GOLGA6L9: variants seen among roughly 807,000 people sequenced by gnomAD.
The protein encoded by GOLGA6L9 is golgin subfamily A member 6-like protein 9.
A neutral mutation model predicts 51.3 loss-of-function variants in GOLGA6L9; 19 were observed. The ratio of observed to expected loss-of-function variants is 0.37; its 90% CI spans 0.26 to 0.54. The LOEUF is 0.54. Ranked by LOEUF, GOLGA6L9 falls within the 20% of genes least tolerant of loss-of-function variation. The pLI is 0.83. For synonymous variants in GOLGA6L9, 97 were observed against 184.2 expected (o/e 0.53, Z 3.83); for missense variants, 247 against 464.1 (o/e 0.53, Z 4.30).
chr15:82,419,382 A>C, the GOLGA6L9 span: 1 of 153,504 alleles, frequency 6.5e-6, no homozygotes, highest in Non-Finnish European at 1.4e-5. Flanking sequence ...TACTTTCAAG[A>C]ATGAAAAAGG....
upstream of GOLGA6L9, among the ~76,000 whole-genome samples, chr15:82,427,218 GTTTC>G (rs1273349546): frequency 0.033 from 4,208 of 126,192 alleles, 29 homozygotes; most frequent in African/African-American, 0.072. Flanking sequence ...TCTTTTCCTT[GTTTC>G]TTTCTTTCTT....
rs1219498277 is a variant in GOLGA6L9, at chr15:82,437,717, A to G, written c.*1306A>G. 29 of 149,424 alleles carry G rather than the reference A, an allele frequency of 1.9e-4. No homozygotes were observed. Among genetic ancestry groups the G allele is most frequent in the Admixed American group, 6.0e-4 (9 of 15,040 alleles). The allele number at this position is 149,424 out of a possible 1,614,324, so 9.3% of individuals were successfully genotyped here. ...TAATATATGTGAGAGTACTTAGTTG[A>G]AACAAAAAGGAGTTTTAGTAGACAG... On this transcript the variant is annotated 3_prime_UTR_variant, in exon 9 of 9. Coordinates refer to ENST00000618348, the MANE Select transcript of GOLGA6L9 (RefSeq NM_198181.4).
chr15:82,418,996 T>C, the GOLGA6L9 span, among the ~76,000 whole-genome samples: 4 of 152,246 alleles, frequency 2.6e-5, no homozygotes, highest in Non-Finnish European at 5.9e-5. Context: ...TTTCAAACAA[T>C]TGACTGGAAT....
In GOLGA6L9 at chr15:82,438,246, G is replaced by A. The variant is rs1394063351; in HGVS notation, c.*1835G>A. The A allele has an allele frequency of 6.7e-6, 1 of 148,942 alleles. No homozygotes were observed. Among genetic ancestry groups the A allele is most frequent in the Non-Finnish European group, 1.5e-5 (1 of 67,086 alleles). 9.2% of individuals were successfully genotyped at this position (148,942 alleles called of 1,614,324 possible). A position where few individuals can be genotyped will look rare whatever the true frequency, so the allele number is the denominator to read the frequency against. On this transcript the variant is annotated 3_prime_UTR_variant, in exon 9 of 9. Transcript: ENST00000618348. The stretch of plus-strand genomic sequence containing the variant: ...AGGAATGACCTTCAGATAGCATTTA[G>A]CAACTGTAACCAATCTGACAATAAT...
In GOLGA6L9 at chr15:82,432,812, C is replaced by A; in HGVS notation, c.265-5C>A. 1 of 1,612,038 alleles carries A rather than the reference C, an allele frequency of 6.2e-7. No homozygotes were observed. The highest frequency in any genetic ancestry group is 8.5e-7 in the Non-Finnish European group (1 of 1,179,694). On this transcript the variant is annotated splice_polypyrimidine_tract_variant and splice_region_variant and intron_variant, in intron 3 of 8. Coordinates refer to ENST00000618348, the MANE Select transcript of GOLGA6L9 (RefSeq NM_198181.4). Reference sequence around the variant, plus strand: ...TCCAACTCCTTCTCTCTGCATGCACCTCAGAGCCAGTACCAAGAACTAGCA... The same window carrying A: ...TCCAACTCCTTCTCTCTGCATGCACATCAGAGCCAGTACCAAGAACTAGCA...
chr15:82,424,351 C>T, the GOLGA6L9 span, among the ~76,000 whole-genome samples: 4 of 151,952 alleles, frequency 2.6e-5, no homozygotes, highest in Non-Finnish European at 5.9e-5. Flanking sequence ...GGATTATAGG[C>T]ATGAGCCACC....
chr15:82,436,564 A>G lies in GOLGA6L9; in HGVS notation c.*153A>G, dbSNP rs2031689024. 1.2e-6 allele frequency: 1 copy of G among 857,288 alleles called. No individual in the cohort carries two copies. The highest frequency in any genetic ancestry group is 1.7e-5 in the African/African-American group (1 of 58,934). The allele number at this position is 857,288 out of a possible 1,614,324, so 53.1% of individuals were successfully genotyped here. Reference sequence around the variant, plus strand: ...TTTGTGTTTCTAATTTATAGTTTAAATTTATTTGTTTCTAATTTATAGTTT... The same window carrying G: ...TTTGTGTTTCTAATTTATAGTTTAAGTTTATTTGTTTCTAATTTATAGTTT... On this transcript the variant is annotated 3_prime_UTR_variant, in exon 9 of 9. Coordinates refer to ENST00000618348, the MANE Select transcript of GOLGA6L9 (RefSeq NM_198181.4).
the GOLGA6L9 span, among the ~76,000 whole-genome samples, chr15:82,417,013 C>T: frequency 6.6e-6 from 1 of 152,156 alleles, no homozygotes; most frequent in Non-Finnish European, 1.5e-5. Context: ...ATACTCGTCT[C>T]CCCCACCGTT....
At chr15:82,419,392 G>C in the GOLGA6L9 span, 1 of 154,228 alleles carries the variant, frequency 6.5e-6, no homozygotes, top group African/African-American at 2.4e-5. Context: ...AATGAAAAAG[G>C]TATCCCAGCA....
chr15:82,432,838 G>A lies in GOLGA6L9; in HGVS notation c.286G>A (p.Val96Ile). ...DLESQYQELA[V>I]ALDSSSAIIS... Reference sequence around the variant, plus strand: ...TCAGAGCCAGTACCAAGAACTAGCAGTAGCCCTGGATTCAAGCTCCGCAAT... The same window carrying A: ...TCAGAGCCAGTACCAAGAACTAGCAATAGCCCTGGATTCAAGCTCCGCAAT... Residue 96 changes from valine to isoleucine, a missense_variant, in exon 4 of 9, where the codon GTA becomes ATA. Transcript: ENST00000618348. 2 of 1,612,528 alleles carry A rather than the reference G, an allele frequency of 1.2e-6. No homozygotes were observed. Among genetic ancestry groups the A allele is most frequent in the Non-Finnish European group, 8.5e-7 (1 of 1,179,784 alleles).
rs1325148361 is a variant in GOLGA6L9, at chr15:82,438,165, A to G, written c.*1754A>G. ...CCTAATACATTGATAAATTATTTCAAAGGTATTTTTATAGTTCAAATCGCT... is the reference window on the plus strand; with the variant it reads ...CCTAATACATTGATAAATTATTTCAGAGGTATTTTTATAGTTCAAATCGCT... On this transcript the variant is annotated 3_prime_UTR_variant, in exon 9 of 9. Coordinates refer to ENST00000618348, the MANE Select transcript of GOLGA6L9 (RefSeq NM_198181.4). 2 of 148,752 alleles carry G rather than the reference A, an allele frequency of 1.3e-5. No individual in the cohort carries two copies. The highest frequency in any genetic ancestry group is 3.0e-5 in the Non-Finnish European group (2 of 67,062). The allele number at this position is 148,752 out of a possible 1,614,324, so 9.2% of individuals were successfully genotyped here. A position where few individuals can be genotyped will look rare whatever the true frequency, so the allele number is the denominator to read the frequency against.
the GOLGA6L9 span, among the ~76,000 whole-genome samples, chr15:82,417,572 A>G: frequency 3.9e-5 from 6 of 152,344 alleles, no homozygotes; most frequent in Non-Finnish European, 7.3e-5. Flanking sequence ...CTGTCTTTTG[A>G]CCTGAAAATG....
intron 4 of GOLGA6L9, among the ~76,000 whole-genome samples, chr15:82,433,155 C>T (rs1304593974): frequency 6.6e-6 from 1 of 151,148 alleles, no homozygotes; most frequent in Non-Finnish European, 1.5e-5. Context: ...GTTGTCACCT[C>T]TCTGGGAAGC....
chr15:82,420,608 G>A, the GOLGA6L9 span, among the ~76,000 whole-genome samples: 1 of 152,064 alleles, frequency 6.6e-6, no homozygotes, highest in Non-Finnish European at 1.5e-5. Flanking sequence ...GCAACTGAAG[G>A]TAGGTAACTT....
rs2031352383 is a variant in GOLGA6L9 at position 82,429,963 on chromosome 15, G to C, written c.-117G>C. On this transcript the variant is annotated 5_prime_UTR_variant, in exon 1 of 9. Coordinates refer to ENST00000618348, the MANE Select transcript of GOLGA6L9 (RefSeq NM_198181.4). The stretch of plus-strand genomic sequence containing the variant: ...CTGACCAATGGGCTTGGAACATTAA[G>C]GCCACGCCCCTATTCTGCGTTCCAT... 4.6e-6 allele frequency: 5 copies of C among 1,087,098 alleles called. No homozygotes were observed. The highest frequency in any genetic ancestry group is 7.1e-6 in the Non-Finnish European group (5 of 706,742). The allele number at this position is 1,087,098 out of a possible 1,614,324, so 67.3% of individuals were successfully genotyped here.
At chr15:82,425,985 GTAGT>G (rs1380893858), upstream of GOLGA6L9, among the ~76,000 whole-genome samples, 1 of 136,918 alleles carries the variant, frequency 7.3e-6, no homozygotes, top group Non-Finnish European at 1.6e-5. Flanking sequence ...ACTTTTATAG[GTAGT>G]TATATTTAAA....
chr15:82,434,160 A>G lies in GOLGA6L9; in HGVS notation c.560A>G (p.Asn187Ser). 4 of 1,536,740 alleles carry G rather than the reference A, an allele frequency of 2.6e-6. No homozygotes were observed. Among genetic ancestry groups the G allele is most frequent in the South Asian group, 1.2e-5 (1 of 83,836 alleles). ...CAGCTCCAGGCTGAGGTGGAAAACA[A>G]TCAGATGTTGAGTCTCCTGAACAGG... The part of the protein sequence containing the change: ...GRQLQAEVEN[N>S]QMLSLLNRRQ... The change falls in exon 6 of 9, where the codon AAT (asparagine) becomes AGT (serine). Residue 187 changes from asparagine to serine, a missense_variant. Asn to Ser is a conservative substitution (Grantham distance 46). Transcript: ENST00000618348.
chr15:82,436,814 C>CGGT lies in GOLGA6L9; in HGVS notation c.*403_*404insGGT, dbSNP rs1331978710. The CGGT allele has an allele frequency of 0.071, 11,308 of 160,306 alleles. 624 individuals are homozygous for CGGT. Among genetic ancestry groups the CGGT allele is most frequent in the African/African-American group, 0.13 (4,944 of 38,660 alleles). The allele number at this position is 160,306 out of a possible 1,614,324, so 9.9% of individuals were successfully genotyped here. A position where few individuals can be genotyped will look rare whatever the true frequency, so the allele number is the denominator to read the frequency against. On this transcript the variant is annotated 3_prime_UTR_variant, in exon 9 of 9. Coordinates refer to ENST00000618348, the MANE Select transcript of GOLGA6L9 (RefSeq NM_198181.4). ...CACACAAAGACCCACTGTATGCACACAACTGTTCTTGCTGGTTTGGGATAG... is the reference window on the plus strand; with the variant it reads ...CACACAAAGACCCACTGTATGCACACGGTAACTGTTCTTGCTGGTTTGGGATAG...
chr15:82,438,026 CAGTTT>C lies in GOLGA6L9; in HGVS notation c.*1617_*1621del, dbSNP rs1049415337. On this transcript the variant is annotated 3_prime_UTR_variant, in exon 9 of 9. Coordinates refer to ENST00000618348, the MANE Select transcript of GOLGA6L9 (RefSeq NM_198181.4). ...TTGCCGCTTTTGCATTCTTTGAGTT[CAGTTT>C]AAAGACAGTTACTTTAAGCCCATTT... 14 of 150,932 alleles carry C rather than the reference CAGTTT, an allele frequency of 9.3e-5. 2 individuals are homozygous for C. The highest frequency in any genetic ancestry group is 3.4e-4 in the African/African-American group (14 of 40,818). 9.3% of individuals were successfully genotyped at this position (150,932 alleles called of 1,614,324 possible).
Sources: allele counts gnomAD v4.1 joint callset (sites outside exome capture counted in the v4.1 genomes callset), GRCh38; gene constraint gnomAD v4.1.1; transcripts MANE v1.5; gene names NCBI Gene and HGNC (gene_info 2026-07-23, HGNC 2026-07-21).